The following ANKRD13C variants were observed in gnomAD, a reference collection of about 807,000 sequenced individuals.
ANKRD13C encodes ankyrin repeat domain 13C, also known as ankyrin repeat domain-containing protein 13C.
Under a neutral mutation model 65.5 loss-of-function variants are expected in ANKRD13C, and 16 were observed. The ratio of observed to expected loss-of-function variants is 0.24; its 90% CI spans 0.17 to 0.37. The LOEUF is 0.37. ANKRD13C is among the 10% of genes least tolerant of loss of function. ANKRD13C has a pLI of 1.00. For synonymous variants in ANKRD13C, 235 were observed against 238.7 expected, an observed-to-expected ratio of 0.98 and a Z score of 0.14; for missense variants, 503 against 655.9, an observed-to-expected ratio of 0.77 and a Z score of 2.55.
chr1:70,280,654 C>T (rs1031386350), intron 9 of ANKRD13C, among the ~76,000 whole-genome samples: 1 of 152,214 alleles, frequency 6.6e-6, no homozygotes, highest in African/African-American at 2.4e-5. Context: ...AATTACTCAA[C>T]CTCTTTTGCC....
At chr1:70,267,094 C>T (rs1678661153) in intron 12 of ANKRD13C, among the ~76,000 whole-genome samples, 1 of 152,058 alleles carries the variant, frequency 6.6e-6, no homozygotes, top group Non-Finnish European at 1.5e-5. Flanking sequence ...TTTCATCTAT[C>T]TTGCAACTCT....
rs781171233 is a variant in ANKRD13C, at chr1:70,308,738, C to CAAA, written c.710-2451_710-2449dup. On this transcript the variant is annotated intron_variant, in intron 5 of 12. Coordinates refer to ENST00000370944, the MANE Select transcript of ANKRD13C (RefSeq NM_030816.5). The stretch of plus-strand genomic sequence containing the variant: ...TGGGCGACAGAGCGAGACTCCGTCT[C>CAAA]AAAAAAAAAAAAAAAAAAAATTAAA... Among the ~76,000 whole-genome samples the CAAA allele has an allele frequency of 4.1e-3, 305 of 74,068 alleles. 2 individuals carry two copies. Among genetic ancestry groups the CAAA allele is most frequent in the African/African-American group, 6.6e-3 (128 of 19,482 alleles). The allele number at this position is 74,068 out of a possible 152,430, so 48.6% of individuals were successfully genotyped here. A position where few individuals can be genotyped will look rare whatever the true frequency, so the allele number is the denominator to read the frequency against.
At chr1:70,353,811 C>T (rs1295777935) in intron 1 of ANKRD13C, among the ~76,000 whole-genome samples, 168 bp downstream of exon 1, 3 of 152,116 alleles carry the variant, frequency 2.0e-5, no homozygotes, top group Admixed American at 2.0e-4. Flanking sequence ...AGAACCAACC[C>T]CTTGACCACT....
intron 7 of ANKRD13C, among the ~76,000 whole-genome samples, chr1:70,300,492 G>A (rs1680301812): frequency 6.6e-6 from 1 of 152,078 alleles, no homozygotes; most frequent in Non-Finnish European, 1.5e-5. Context: ...GAAGGCTGAG[G>A]CTGAAGAATT....
At chr1:70,303,896 G>C (rs967219511) in intron 6 of ANKRD13C, among the ~76,000 whole-genome samples, 2 of 152,144 alleles carry the variant, frequency 1.3e-5, no homozygotes, top group Non-Finnish European at 2.9e-5. Context: ...TTTGATGAGA[G>C]CTTTAGAACC....
rs1444578588 is a variant in ANKRD13C at position 70,299,035 on chromosome 1, C to T, written c.921+1729G>A. On this transcript the variant is annotated intron_variant, in intron 7 of 12. Transcript: ENST00000370944. ...CTTAGACCAATAGAAGGGAAAAAAGCCATGTCAGTAAATGTAACATTAGAA... is the reference window on the plus strand; with the variant it reads ...CTTAGACCAATAGAAGGGAAAAAAGTCATGTCAGTAAATGTAACATTAGAA... Among the ~76,000 whole-genome samples the T allele has an allele frequency of 3.8e-3, 576 of 152,216 alleles. 3 individuals are homozygous for T. Among genetic ancestry groups the T allele is most frequent in the African/African-American group, 0.013 (528 of 41,530 alleles).
At chr1:70,297,800 C>A (rs1680157035) in intron 7 of ANKRD13C, among the ~76,000 whole-genome samples, 1 of 150,384 alleles carries the variant, frequency 6.6e-6, no homozygotes. Flanking sequence ...GTAGTCCCAG[C>A]TACTCGGGAG....
Position 70,354,719 on chromosome 1 carries a change from G to T in ANKRD13C, c.-311C>A. On this transcript the variant is annotated 5_prime_UTR_variant, in exon 1 of 13. Coordinates refer to ENST00000370944, the MANE Select transcript of ANKRD13C (RefSeq NM_030816.5). ...AACAGGGCACGGCCATCTTCCTCTT[G>T]CTCCTCTCGCGAGAGCTCCCCCAGG... 1 of 730,226 alleles carries T rather than the reference G, an allele frequency of 1.4e-6. No individual in the cohort carries two copies. The highest frequency in any genetic ancestry group is 2.2e-6 in the Non-Finnish European group (1 of 456,350). 45.2% of individuals were successfully genotyped at this position (730,226 alleles called of 1,614,324 possible).
intron 7 of ANKRD13C, among the ~76,000 whole-genome samples, chr1:70,300,054 T>C (rs1680279898): frequency 6.6e-6 from 1 of 151,976 alleles, no homozygotes; most frequent in Admixed American, 6.6e-5. Flanking sequence ...AAAGTAAGAC[T>C]GCAGACAGAG....
chr1:70,283,476 A>G (rs1197173623), intron 9 of ANKRD13C, among the ~76,000 whole-genome samples: 1 of 152,130 alleles, frequency 6.6e-6, no homozygotes, highest in Non-Finnish European at 1.5e-5. Flanking sequence ...AGTTTAAGAT[A>G]TTCATGTATT....
At chr1:70,309,436 A>T (rs1476389474) in intron 5 of ANKRD13C, among the ~76,000 whole-genome samples, 3 of 149,104 alleles carry the variant, frequency 2.0e-5, no homozygotes, top group Admixed American at 6.7e-5. Context: ...TACAAATAAT[A>T]GGCCGGGCGC....
At chr1:70,345,420 A>G (rs1682484549) in intron 1 of ANKRD13C, among the ~76,000 whole-genome samples, 1 of 151,790 alleles carries the variant, frequency 6.6e-6, no homozygotes, top group African/African-American at 2.4e-5. Context: ...GAAGAGCAAT[A>G]TTCCGTCTCA....
At chr1:70,311,001 T>C (rs1214676955) in intron 5 of ANKRD13C, among the ~76,000 whole-genome samples, 2 of 152,182 alleles carry the variant, frequency 1.3e-5, no homozygotes, top group African/African-American at 2.4e-5. Context: ...TAATCATTAA[T>C]AGAGACAAAC....
chr1:70,344,100 C>A (rs1318632186), intron 1 of ANKRD13C, among the ~76,000 whole-genome samples: 1 of 151,904 alleles, frequency 6.6e-6, no homozygotes, highest in Non-Finnish European at 1.5e-5. Context: ...GAGTTCAAGA[C>A]CAGCCTGACA....
intron 1 of ANKRD13C, among the ~76,000 whole-genome samples, chr1:70,341,439 G>A (rs1682306733): frequency 7.1e-6 from 1 of 140,234 alleles, no homozygotes; most frequent in Non-Finnish European, 1.5e-5. Context: ...TCGGCTCACT[G>A]CACCCTCCGC....
intron 6 of ANKRD13C, 156 bp downstream of exon 6, chr1:70,306,068 G>A (rs2101395917): frequency 2.4e-6 from 1 of 413,352 alleles, no homozygotes; most frequent in Non-Finnish European, 4.2e-6. Context: ...TATGTCTTTG[G>A]TTTTTTATCT....
intron 11 of ANKRD13C, 144 bp downstream of exon 11, chr1:70,274,576 G>A: frequency 3.9e-6 from 2 of 509,232 alleles, no homozygotes; most frequent in Non-Finnish European, 7.0e-6. Context: ...AAAAGTTCTA[G>A]AACAGTGCAC....
chr1:70,306,969 G>A (rs963562258), intron 5 of ANKRD13C, among the ~76,000 whole-genome samples: 7 of 152,032 alleles, frequency 4.6e-5, no homozygotes, highest in Non-Finnish European at 1.0e-4. Flanking sequence ...TGCATAACAG[G>A]CTATAATAAA....
At chr1:70,337,589 A>G (rs1327571538) in intron 1 of ANKRD13C, among the ~76,000 whole-genome samples, 1 of 151,540 alleles carries the variant, frequency 6.6e-6, no homozygotes, top group Non-Finnish European at 1.5e-5. Flanking sequence ...CTCAAAATAA[A>G]TAAATAAAAT....
Sources: gnomAD v4.1 joint callset for allele counts (sites outside exome capture counted in the v4.1 genomes callset) on GRCh38, gnomAD v4.1.1 for gene constraint, MANE v1.5 for transcripts, NCBI Gene and HGNC (gene_info 2026-07-23, HGNC 2026-07-21) for gene names.